The following ROPN1B variants were observed in gnomAD, a reference collection of about 807,000 sequenced individuals.
The protein encoded by ROPN1B is ropporin-1B.
A neutral mutation model predicts 23.7 loss-of-function variants in ROPN1B; 13 were observed. That is an observed-to-expected ratio of 0.55 (90% CI 0.36 to 0.87). The LOEUF is 0.87. Ranked by LOEUF, ROPN1B falls within the 40% of genes least tolerant of loss-of-function variation. ROPN1B has a pLI of 0.01. For missense variants in ROPN1B, 183 were observed against 249.2 expected (o/e 0.73, Z 1.79); for synonymous variants, 67 against 100.4 (o/e 0.67, Z 1.99).
intron 6 of ROPN1B, among the ~76,000 whole-genome samples, 195 bp downstream of exon 6, chr3:125,982,640 A>C (rs185484640): frequency 1.1e-4 from 16 of 152,338 alleles, no homozygotes; most frequent in Admixed American, 1.0e-3. Flanking sequence ...TAATTCTTTG[A>C]GTGCTACTGA....
At chr3:125,980,711 C>T (rs1018776555) in intron 5 of ROPN1B, among the ~76,000 whole-genome samples, 1 of 151,890 alleles carries the variant, frequency 6.6e-6, no homozygotes, top group Non-Finnish European at 1.5e-5. Context: ...GAGAGGGCAA[C>T]AGAACAAAGC....
chr3:125,974,634 G>A (rs1938339670), intron 3 of ROPN1B, among the ~76,000 whole-genome samples: 1 of 152,176 alleles, frequency 6.6e-6, no homozygotes, highest in Admixed American at 6.5e-5. Flanking sequence ...AGCGGCTCAT[G>A]TCCATTCCCT....
intron 3 of ROPN1B, among the ~76,000 whole-genome samples, chr3:125,974,568 A>C (rs1234961054): frequency 6.6e-6 from 1 of 152,198 alleles, no homozygotes; most frequent in African/African-American, 2.4e-5. Flanking sequence ...GATCGTCAAT[A>C]ACCAGGCTTT....
intron 5 of ROPN1B, among the ~76,000 whole-genome samples, chr3:125,981,683 A>G (rs12488771): frequency 0.077 from 11,738 of 152,276 alleles, 613 homozygotes; most frequent in Middle Eastern, 0.16. Context: ...TTTCCCCAGC[A>G]ATAAAAGGGT....
intron 5 of ROPN1B, chr3:125,978,080 C>T (rs1004561870): frequency 6.6e-5 from 10 of 152,316 alleles, no homozygotes; most frequent in African/African-American, 2.2e-4. Context: ...ATAGCTTCCC[C>T]TACAATGTTT....
chr3:125,977,576 T>G (rs1045296683), intron 5 of ROPN1B: 1 of 239,172 alleles, frequency 4.2e-6, no homozygotes, highest in African/African-American at 2.3e-5. Flanking sequence ...GAAAACTATG[T>G]AATAAACAGA....
chr3:125,976,925 C>T, intron 4 of ROPN1B, 79 bp from the exon 5 acceptor site: 1 of 699,890 alleles, frequency 1.4e-6, no homozygotes, highest in Non-Finnish European at 2.7e-6. Context: ...TGGACCTGGC[C>T]TGGGGACAGG....
intron 5 of ROPN1B, among the ~76,000 whole-genome samples, chr3:125,978,348 C>T (rs1378302184): frequency 1.3e-5 from 2 of 151,962 alleles, no homozygotes; most frequent in East Asian, 3.9e-4. Flanking sequence ...GGAAAATGTA[C>T]CTTTAAAATT....
intron 5 of ROPN1B, among the ~76,000 whole-genome samples, chr3:125,981,280 G>T (rs1938603723): frequency 6.6e-6 from 1 of 152,082 alleles, no homozygotes; most frequent in South Asian, 2.1e-4. Flanking sequence ...CCTCATCTAG[G>T]CAATCATTCT....
chr3:125,977,828 C>T (rs1004062892), intron 5 of ROPN1B: 1 of 152,424 alleles, frequency 6.6e-6, no homozygotes, highest in African/African-American at 2.4e-5. Flanking sequence ...CATTGTTAAA[C>T]ATTGTTAAAA....
rs147314537 is a variant in ROPN1B, at chr3:125,983,179, A to C, written c.573-75A>C. The C allele has an allele frequency of 2.9e-3, 2,878 of 1,000,944 alleles. 48 individuals are homozygous for C. The African/African-American group carries it at 0.041, about 14-fold the overall frequency. The allele number at this position is 1,000,944 out of a possible 1,614,324, so 62.0% of individuals were successfully genotyped here. On this transcript the variant is annotated intron_variant, in intron 6 of 6. Coordinates refer to ENST00000514116, the MANE Select transcript of ROPN1B (RefSeq NM_001308313.2). ...GCAACAGCAGAATTAATGTGAAATG[A>C]GAGTTGTTTGCATATTGTCTTTCTT...
intron 5 of ROPN1B, among the ~76,000 whole-genome samples, chr3:125,979,905 G>A (rs561926452): frequency 5.3e-5 from 8 of 152,226 alleles, no homozygotes; most frequent in Non-Finnish European, 8.8e-5. Flanking sequence ...ATGGCACACA[G>A]ACCTGTATTC....
In ROPN1B at chr3:125,983,420, G is replaced by A. The variant is rs1161651218; in HGVS notation, c.*100G>A. 4 of 792,826 alleles carry A rather than the reference G, an allele frequency of 5.0e-6. No homozygotes were observed. The highest frequency in any genetic ancestry group is 4.4e-5 in the South Asian group (3 of 67,828). 49.1% of individuals were successfully genotyped at this position (792,826 alleles called of 1,614,324 possible). Reference sequence around the variant, plus strand: ...TAAAATCAATTTTCTTGTACAACTGGTACACACTAATAAACAAACATGTGA... The same window carrying A: ...TAAAATCAATTTTCTTGTACAACTGATACACACTAATAAACAAACATGTGA... On this transcript the variant is annotated 3_prime_UTR_variant, in exon 7 of 7. Coordinates refer to ENST00000514116, the MANE Select transcript of ROPN1B (RefSeq NM_001308313.2).
At chr3:125,981,947 T>C (rs1434935849) in intron 5 of ROPN1B, among the ~76,000 whole-genome samples, 1 of 152,222 alleles carries the variant, frequency 6.6e-6, no homozygotes, top group Non-Finnish European at 1.5e-5. Context: ...TCTAATTATA[T>C]AGAATGCAAA....
At chr3:125,973,810 T>C (rs912898205) in intron 3 of ROPN1B, 2 of 152,368 alleles carry the variant, frequency 1.3e-5, no homozygotes, top group African/African-American at 2.4e-5. Context: ...TTAAAACCTG[T>C]AGCATTTTAG....
chr3:125,972,474 C>A (rs1206336973), intron 3 of ROPN1B: 9 of 490,910 alleles, frequency 1.8e-5, no homozygotes, highest in African/African-American at 5.8e-5. Context: ...TGCACACCCA[C>A]CTCCTCCCTG....
In ROPN1B at chr3:125,970,896, C is replaced by A. The variant is rs4465901; in HGVS notation, c.-58-221C>A. Among the ~76,000 whole-genome samples, 844 of 152,212 alleles carry A rather than the reference C, an allele frequency of 5.5e-3. 10 individuals carry two copies. The highest frequency in any genetic ancestry group is 0.019 in the African/African-American group (809 of 41,508). On this transcript the variant is annotated intron_variant, in intron 1 of 6. Transcript: ENST00000514116. ...AAACTTAGAACTAGTCTGTGGCTAC[C>A]AACTCCTGGGGGACTGTTTCTCTCC... is the stretch of plus-strand genomic sequence containing the variant.
In ROPN1B at chr3:125,972,160, T is replaced by TG. The variant is rs767032568; in HGVS notation, c.112dup (p.Ala38GlyfsTer5). 1.4e-5 allele frequency: 22 copies of TG among 1,613,974 alleles called. No individual in the cohort carries two copies. The highest frequency in any genetic ancestry group is 8.3e-5 in the Admixed American group (5 of 59,990). On this transcript the variant is annotated frameshift_variant, in exon 3 of 7. Transcript: ENST00000514116. LOFTEE classifies it high-confidence loss of function. ...GGCGCAGCCGCAGGACCTCATCCAG[T>TG]GGGGGGCCGAGTACGTGCTCCTTTC...
intron 2 of ROPN1B, among the ~76,000 whole-genome samples, chr3:125,971,542 CT>C (rs1382845498): frequency 6.6e-6 from 1 of 151,856 alleles, no homozygotes; most frequent in Non-Finnish European, 1.5e-5. Flanking sequence ...CATCAAATGG[CT>C]GTTTAATGAC....
Sources: gnomAD v4.1 joint callset for allele counts (sites outside exome capture counted in the v4.1 genomes callset) on GRCh38, gnomAD v4.1.1 for gene constraint, MANE v1.5 for transcripts, NCBI Gene and HGNC (gene_info 2026-07-23, HGNC 2026-07-21) for gene names.